Variants in CCT2 observed in about 807,000 individuals in gnomAD.
CCT2 encodes the protein chaperonin containing TCP1 subunit 2.
A neutral mutation model predicts 61.8 loss-of-function variants in CCT2; 18 were observed. The ratio of observed to expected loss-of-function variants is 0.29; its 90% CI spans 0.20 to 0.43. CCT2 has a LOEUF of 0.43. Ranked by LOEUF, CCT2 falls within the 20% of genes least tolerant of loss-of-function variation. The pLI is 1.00. For synonymous variants in CCT2, 248 were observed against 215.9 expected (o/e 1.15, Z -1.30); for missense variants, 556 against 656.9 (o/e 0.85, Z 1.68).
chr12:69,588,837 C>G (rs908038604), intron 6 of CCT2, among the ~76,000 whole-genome samples: 2 of 152,202 alleles, frequency 1.3e-5, no homozygotes, highest in East Asian at 3.8e-4. Context: ...TCCCTGGTGC[C>G]AAAAAGGTCC....
chr12:69,601,193 A>T, intron 15 of CCT2, 102 bp from the exon 16 acceptor site: 1 of 936,584 alleles, frequency 1.1e-6, no homozygotes, highest in Non-Finnish European at 1.6e-6. Flanking sequence ...GAGTTATAAC[A>T]GTTTTAATAC....
At chr12:69,590,092 A>C (rs191417845) in intron 7 of CCT2, among the ~76,000 whole-genome samples, 1 of 152,236 alleles carries the variant, frequency 6.6e-6, no homozygotes, top group Non-Finnish European at 1.5e-5. Flanking sequence ...GGTTTGAATT[A>C]TGTAGGTTCA....
In CCT2 at chr12:69,601,371, T is replaced by G; in HGVS notation, c.*46T>G. The G allele has an allele frequency of 6.2e-7, 1 of 1,613,960 alleles. No homozygotes were observed. The highest frequency in any genetic ancestry group is 8.5e-7 in the Non-Finnish European group (1 of 1,179,888). On this transcript the variant is annotated 3_prime_UTR_variant, in exon 16 of 16. Coordinates refer to ENST00000299300, the MANE Select transcript of CCT2 (RefSeq NM_006431.3). Reference sequence around the variant, plus strand: ...TCTTTGGACCAGTTTCTAGCAAAGTTGTGTTTGAAAGATACTCTATTAAAG... The same window carrying G: ...TCTTTGGACCAGTTTCTAGCAAAGTGGTGTTTGAAAGATACTCTATTAAAG...
At chr12:69,599,663 A>G (rs1285725855) in intron 14 of CCT2, 200 bp from the exon 15 acceptor site, 4 of 353,918 alleles carry the variant, frequency 1.1e-5, no homozygotes, top group Non-Finnish European at 2.0e-5. Context: ...CTGGGAGTAC[A>G]GATGTGAGCC....
intron 10 of CCT2, among the ~76,000 whole-genome samples, chr12:69,596,909 A>C (rs1882007252): frequency 6.6e-6 from 1 of 152,200 alleles, no homozygotes; most frequent in African/African-American, 2.4e-5. Flanking sequence ...TAGGAAGGTA[A>C]ACCTCTTGGC....
Position 69,597,984 on chromosome 12 carries a change from G to T in CCT2, c.1248G>T (p.Leu416Phe), listed in dbSNP as rs763056783. 1.9e-6 allele frequency: 3 copies of T among 1,613,680 alleles called. No individual in the cohort carries two copies. The highest frequency in any genetic ancestry group is 2.5e-6 in the Non-Finnish European group (3 of 1,179,668). The change falls in exon 13 of 16, where the codon TTG becomes TTT. Residue 416 changes from leucine (L) to phenylalanine (F), a missense_variant. Leu to Phe is a conservative substitution (Grantham distance 22). Around this residue, in one of 3 missense-constraint regions of CCT2, gnomAD observed 225 missense variants for 249.8 expected, o/e 0.90. Transcript: ENST00000299300. ...AATCTTTAGGCTGTTCTGAGATGTTGATGGCTCATGCTGTGACACAGCTTG... is the reference window on the plus strand; with the variant it reads ...AATCTTTAGGCTGTTCTGAGATGTTTATGGCTCATGCTGTGACACAGCTTG... Reference protein sequence around the residue: ...TVYGGGCSEMLMAHAVTQLAN... With the variant: ...TVYGGGCSEMFMAHAVTQLAN...
At chr12:69,586,942 T>G in intron 3 of CCT2, 124 bp downstream of exon 3, 1 of 588,180 alleles carries the variant, frequency 1.7e-6, no homozygotes, top group Non-Finnish European at 2.8e-6. Context: ...GACAAGTATG[T>G]TCTCCTTAGT....
intron 10 of CCT2, among the ~76,000 whole-genome samples, chr12:69,595,521 C>T (rs971726780): frequency 3.3e-5 from 5 of 151,942 alleles, no homozygotes; most frequent in Non-Finnish European, 5.9e-5. Context: ...AACCCTGTCT[C>T]TACTAAAAAT....
intron 10 of CCT2, among the ~76,000 whole-genome samples, chr12:69,596,454 G>A (rs956261276): frequency 6.6e-6 from 1 of 152,196 alleles, no homozygotes; most frequent in Non-Finnish European, 1.5e-5. Context: ...AATAGGGAAC[G>A]AAGTGGCTGA....
chr12:69,585,482 C>G lies in CCT2; in HGVS notation c.-40C>G, dbSNP rs768563666. On this transcript the variant is annotated 5_prime_UTR_variant, in exon 1 of 16. Coordinates refer to ENST00000299300, the MANE Select transcript of CCT2 (RefSeq NM_006431.3). ...TCAGTCCGCTGGTCCCGAGCACGAG[C>G]TGTGAGGGGATTCACTTGTGTGCGG... is the stretch of plus-strand genomic sequence containing the variant. 6.4e-6 allele frequency: 10 copies of G among 1,557,506 alleles called. No individual in the cohort carries two copies. Among genetic ancestry groups the G allele is most frequent in the Non-Finnish European group, 2.6e-6 (3 of 1,149,790 alleles).
chr12:69,587,166 A>G (rs148757711), intron 3 of CCT2: 6 of 321,198 alleles, frequency 1.9e-5, no homozygotes, highest in African/African-American at 1.1e-4. Context: ...AATTCCTTTC[A>G]GTGTAAGTAG....
chr12:69,588,857 G>A (rs1881748225), intron 6 of CCT2, among the ~76,000 whole-genome samples: 1 of 152,218 alleles, frequency 6.6e-6, no homozygotes, highest in Admixed American at 6.5e-5. Context: ...CGGGACCACT[G>A]TTTTAAGGCA....
rs1444705092 is a variant in CCT2 at position 69,592,077 on chromosome 12, A to T, written c.668A>T (p.Lys223Ile). 1.3e-6 allele frequency: 2 copies of T among 1,589,646 alleles called. No individual in the cohort carries two copies. The change falls in exon 8 of 16, where the codon AAA becomes ATA. Residue 223 changes from lysine (K) to isoleucine (I), a missense_variant. This residue lies in a region of CCT2 where 308 missense variants were observed against 350.6 expected (regional missense o/e 0.88). Transcript: ENST00000299300. ...ATTGTAGGCTTCCTGTTGGATAAAA[A>T]AATTGGAGTAAATCAACCAAAACGA... is the stretch of plus-strand genomic sequence containing the variant. ...YLDEGFLLDK[K>I]IGVNQPKRIE...
At chr12:69,596,577 TTTC>T (rs1240385547) in intron 10 of CCT2, among the ~76,000 whole-genome samples, 1 of 152,304 alleles carries the variant, frequency 6.6e-6, no homozygotes, top group Admixed American at 6.5e-5. Flanking sequence ...TTAGTATGCA[TTTC>T]TTGTTTTTTT....
At chr12:69,599,285 G>T (rs1052426166) in intron 14 of CCT2, among the ~76,000 whole-genome samples, 1 of 152,148 alleles carries the variant, frequency 6.6e-6, no homozygotes, top group Non-Finnish European at 1.5e-5. Context: ...TGGGGGGGCA[G>T]TCTCACTATG....
chr12:69,599,129 CAG>C (rs1273027999), intron 14 of CCT2, among the ~76,000 whole-genome samples: 1 of 152,176 alleles, frequency 6.6e-6, no homozygotes, highest in Non-Finnish European at 1.5e-5. Flanking sequence ...CTCTGTTCCC[CAG>C]GCTGGAGTGC....
At chr12:69,600,862 A>G (rs1882128049) in intron 15 of CCT2, among the ~76,000 whole-genome samples, 1 of 152,208 alleles carries the variant, frequency 6.6e-6, no homozygotes, top group Non-Finnish European at 1.5e-5. Context: ...TTTCCAAAAG[A>G]TTGTTCTATG....
chr12:69,585,863 C>T (rs959774536), intron 1 of CCT2: 3 of 1,307,682 alleles, frequency 2.3e-6, no homozygotes, highest in South Asian at 3.6e-5. Context: ...GCGACGGGGT[C>T]TGAGCCATCA....
intron 10 of CCT2, among the ~76,000 whole-genome samples, chr12:69,594,730 C>G (rs7964592): frequency 0.015 from 2,279 of 152,026 alleles, 66 homozygotes; most frequent in African/African-American, 0.051. Flanking sequence ...GCCTGTAGTC[C>G]TAGCTACTTG....
Sources: gnomAD v4.1 joint callset for allele counts (sites outside exome capture counted in the v4.1 genomes callset) on GRCh38, gnomAD v4.1.1 for gene constraint, gnomAD v4.1.1 regional missense constraint, MANE v1.5 for transcripts, NCBI Gene and HGNC (gene_info 2026-07-23, HGNC 2026-07-21) for gene names.